Variants in MARCHF1 observed in about 807,000 individuals in gnomAD.
MARCHF1 encodes the protein membrane associated ring-CH-type finger 1.
MARCHF1 carries 40 observed loss-of-function variants against 54.2 expected under a neutral mutation model. The ratio of observed to expected loss-of-function variants is 0.74; its 90% CI spans 0.57 to 0.96. The LOEUF is 0.96. MARCHF1 is among the 40% of genes least tolerant of loss of function. The pLI is 0.00. For missense variants in MARCHF1, 586 were observed against 656.5 expected (o/e 0.89, Z 1.17); for synonymous variants, 236 against 236.3 (o/e 1.00, Z 0.01).
chr4:163,750,752 T>C (rs62333008), intron 4 of MARCHF1, among the ~76,000 whole-genome samples: 58,784 of 151,788 alleles, frequency 0.39, 11,809 homozygotes, highest in Non-Finnish European at 0.44. Context: ...AAAGGACAAC[T>C]TAATTCTTGA....
intron 1 of MARCHF1, among the ~76,000 whole-genome samples, chr4:164,337,779 G>C (rs1039448082): frequency 6.6e-6 from 1 of 152,170 alleles, no homozygotes; most frequent in Non-Finnish European, 1.5e-5. Context: ...TAACTCTGTG[G>C]AATCAGGAGA....
intron 8 of MARCHF1, among the ~76,000 whole-genome samples, chr4:163,574,640 T>C (rs1739973893): frequency 1.3e-5 from 2 of 150,958 alleles, no homozygotes; most frequent in Non-Finnish European, 3.0e-5. Flanking sequence ...TGCGGTGTTA[T>C]TTCTGAGGGC....
At chr4:163,733,378 A>T in intron 4 of MARCHF1, among the ~76,000 whole-genome samples, 1 of 145,194 alleles carries the variant, frequency 6.9e-6, no homozygotes, top group Non-Finnish European at 1.5e-5. Flanking sequence ...ATACAAAATA[A>T]TAAAAAGCAC....
At chr4:164,176,980 C>CTCTATATATATATA (rs1466683245) in intron 1 of MARCHF1, among the ~76,000 whole-genome samples, 24 of 58,904 alleles carry the variant, frequency 4.1e-4, no homozygotes, top group African/African-American at 1.6e-3. Flanking sequence ...CTCTCTCTCT[C>CTCTATATATATATA]TATATATATA....
intron 1 of MARCHF1, among the ~76,000 whole-genome samples, chr4:164,244,778 C>A (rs1381151477): frequency 6.6e-6 from 1 of 151,998 alleles, no homozygotes; most frequent in South Asian, 2.1e-4. Context: ...AAGGGGATAT[C>A]ACCACCAATC....
intron 3 of MARCHF1, among the ~76,000 whole-genome samples, chr4:163,863,725 T>C (rs965980939): frequency 5.3e-5 from 8 of 151,994 alleles, no homozygotes; most frequent in African/African-American, 1.9e-4. Flanking sequence ...AATATTATTC[T>C]CCAGTAAAAG....
At chr4:163,975,899 TA>T (rs1230150400) in intron 3 of MARCHF1, among the ~76,000 whole-genome samples, 2 of 152,138 alleles carry the variant, frequency 1.3e-5, no homozygotes, top group African/African-American at 4.8e-5. Context: ...TGTTTAAAAA[TA>T]TTGGTCAACT....
chr4:164,293,157 C>CTTGA (rs1734324995), intron 1 of MARCHF1, among the ~76,000 whole-genome samples: 1 of 152,070 alleles, frequency 6.6e-6, no homozygotes, highest in Non-Finnish European at 1.5e-5. Context: ...TAGCCTAAAA[C>CTTGA]TTGAATTCCT....
chr4:163,933,256 T>C, intron 3 of MARCHF1: 1 of 696,320 alleles, frequency 1.4e-6, no homozygotes, highest in South Asian at 1.4e-5. Context: ...TGAAACTAAA[T>C]CCAGACAGGG....
intron 1 of MARCHF1, among the ~76,000 whole-genome samples, chr4:164,355,973 C>T (rs1431744169): frequency 8.0e-6 from 1 of 124,646 alleles, no homozygotes; most frequent in African/African-American, 2.7e-5. Context: ...ACAGACACTT[C>T]TCAAAAGAAG....
intron 1 of MARCHF1, among the ~76,000 whole-genome samples, chr4:164,286,647 T>C (rs779022666): frequency 5.3e-5 from 8 of 151,492 alleles, no homozygotes; most frequent in Non-Finnish European, 1.0e-4. Context: ...TGTGTATATA[T>C]AGCAGGTGAA....
intron 2 of MARCHF1, among the ~76,000 whole-genome samples, chr4:164,091,973 G>A (rs187307936): frequency 1.3e-5 from 2 of 152,014 alleles, no homozygotes; most frequent in East Asian, 3.9e-4. Flanking sequence ...AAATGTGCAT[G>A]TCTGGCATCT....
chr4:164,155,501 T>C (rs1393363348), intron 1 of MARCHF1, among the ~76,000 whole-genome samples: 1 of 152,180 alleles, frequency 6.6e-6, no homozygotes, highest in Non-Finnish European at 1.5e-5. Flanking sequence ...ATATATGTTC[T>C]CTAGTCTTGG....
intron 1 of MARCHF1, among the ~76,000 whole-genome samples, chr4:164,341,942 A>G (rs1413343398): frequency 1.3e-5 from 2 of 152,236 alleles, no homozygotes; most frequent in African/African-American, 2.4e-5. Context: ...CTAATGTCCC[A>G]AAAAGAAATT....
chr4:164,303,940 A>G (rs1478827560), intron 1 of MARCHF1, among the ~76,000 whole-genome samples: 1 of 152,262 alleles, frequency 6.6e-6, no homozygotes, highest in Non-Finnish European at 1.5e-5. Flanking sequence ...GATGAATCCA[A>G]ATAAAAGCTT....
intron 5 of MARCHF1, among the ~76,000 whole-genome samples, chr4:163,640,671 T>C (rs1017714248): frequency 6.6e-6 from 1 of 152,168 alleles, no homozygotes; most frequent in African/African-American, 2.4e-5. Context: ...TTTAGCAGCC[T>C]GATCTGTTCT....
At chr4:163,982,897 T>C (rs1035542722) in intron 3 of MARCHF1, among the ~76,000 whole-genome samples, 2 of 152,240 alleles carry the variant, frequency 1.3e-5, no homozygotes, top group African/African-American at 4.8e-5. Flanking sequence ...AGGTTCAGTG[T>C]GTGCCATTGA....
chr4:163,581,248 T>C (rs1452775709), intron 8 of MARCHF1, among the ~76,000 whole-genome samples: 1 of 152,206 alleles, frequency 6.6e-6, no homozygotes, highest in Non-Finnish European at 1.5e-5. Flanking sequence ...ATTTTTCTCC[T>C]CTGCAAAAGG....
At chr4:163,857,019 T>TAAAC (rs1283552532) in intron 3 of MARCHF1, among the ~76,000 whole-genome samples, 5 of 121,814 alleles carry the variant, frequency 4.1e-5, no homozygotes, top group Admixed American at 3.4e-4. Flanking sequence ...TCTCGAAAAA[T>TAAAC]AAATAAATAA....
Sources: allele counts gnomAD v4.1 joint callset (sites outside exome capture counted in the v4.1 genomes callset), GRCh38; gene constraint gnomAD v4.1.1; transcripts MANE v1.5; gene names NCBI Gene and HGNC (gene_info 2026-07-23, HGNC 2026-07-21).